Variants in GRM7 observed in about 807,000 individuals in gnomAD.
GRM7 encodes glutamate metabotropic receptor 7.
A neutral mutation model predicts 84.5 loss-of-function variants in GRM7; 35 were observed. The observed-to-expected ratio is 0.41, with a 90% CI of 0.32 to 0.55. The LOEUF (loss-of-function observed/expected upper bound fraction) is 0.55, where lower values mean the gene tolerates loss of function less well. GRM7 is among the 20% of genes least tolerant of loss of function. The pLI is 0.19. For missense variants in GRM7, 1,003 were observed against 1,194.6 expected, an observed-to-expected ratio of 0.84 and a Z score of 2.36; for synonymous variants, 487 against 455.1, an observed-to-expected ratio of 1.07 and a Z score of -0.89.
At chr3:7,189,183 C>T (rs1695623102) in intron 2 of GRM7, among the ~76,000 whole-genome samples, 1 of 152,046 alleles carries the variant, frequency 6.6e-6, no homozygotes, top group South Asian at 2.1e-4. Flanking sequence ...GACATGTATG[C>T]ATGTATCTCA....
intron 9 of GRM7, among the ~76,000 whole-genome samples, chr3:7,686,169 CCCATGTTCAGAGGTACCT>C (rs1169819730): frequency 6.6e-5 from 10 of 152,130 alleles, no homozygotes; most frequent in Non-Finnish European, 1.3e-4. Flanking sequence ...CACCAGTACT[CCCATGTTCAGAGGTACCT>C]GAATTGAGGT....
chr3:7,276,237 GTGTGTGTGTGTGTA>G (rs1202748805), intron 2 of GRM7, among the ~76,000 whole-genome samples: 20 of 150,706 alleles, frequency 1.3e-4, no homozygotes, highest in African/African-American at 2.5e-4. Context: ...GTGTGTGTGT[GTGTGTGTGTGTGTA>G]TATATAATTG....
chr3:7,656,505 A>C (rs1244255052), intron 8 of GRM7, among the ~76,000 whole-genome samples: 1 of 97,534 alleles, frequency 1.0e-5, no homozygotes, highest in African/African-American at 3.3e-5. Flanking sequence ...CAAAAAACAA[A>C]CAAACAAATA....
intron 7 of GRM7, among the ~76,000 whole-genome samples, chr3:7,536,856 TC>T (rs1235220104): frequency 6.6e-6 from 1 of 152,182 alleles, no homozygotes; most frequent in African/African-American, 2.4e-5. Context: ...ACTATGTTTC[TC>T]CCAGATTTCT....
At chr3:7,065,598 T>C (rs1697625645) in intron 1 of GRM7, among the ~76,000 whole-genome samples, 2 of 152,012 alleles carry the variant, frequency 1.3e-5, no homozygotes, top group East Asian at 1.9e-4. Context: ...TATAGCCTTA[T>C]AGTATAGTTT....
chr3:7,261,571 T>C (rs1216582439), intron 2 of GRM7, among the ~76,000 whole-genome samples: 1 of 152,208 alleles, frequency 6.6e-6, no homozygotes, highest in Non-Finnish European at 1.5e-5. Context: ...TGTCTTTTAA[T>C]TGGGGCATTT....
intron 5 of GRM7, among the ~76,000 whole-genome samples, chr3:7,435,954 G>A (rs1459914164): frequency 4.1e-5 from 6 of 147,230 alleles, no homozygotes; most frequent in African/African-American, 7.6e-5. Flanking sequence ...CACCCACCTC[G>A]GCTTCTTAAA....
chr3:7,283,475 A>T (rs1699324632), intron 2 of GRM7, among the ~76,000 whole-genome samples: 1 of 152,150 alleles, frequency 6.6e-6, no homozygotes, highest in South Asian at 2.1e-4. Flanking sequence ...GTATAAAAAG[A>T]TAAGACCTCT....
At chr3:7,310,760 A>C (rs1700362351) in intron 4 of GRM7, among the ~76,000 whole-genome samples, 1 of 152,174 alleles carries the variant, frequency 6.6e-6, no homozygotes, top group South Asian at 2.1e-4. Context: ...AAACTACTTG[A>C]AAATATGGTT....
intron 9 of GRM7, among the ~76,000 whole-genome samples, chr3:7,725,915 C>T (rs952031009): frequency 5.9e-5 from 9 of 151,962 alleles, no homozygotes; most frequent in African/African-American, 1.5e-4. Flanking sequence ...TCCACTCCAA[C>T]GTTAGGGGGA....
chr3:7,006,295 C>T (rs1695181940), intron 1 of GRM7, among the ~76,000 whole-genome samples: 1 of 152,118 alleles, frequency 6.6e-6, no homozygotes, highest in African/African-American at 2.4e-5. Context: ...AGTTGATATA[C>T]TGAGCTTCAT....
rs557191286 is a variant in GRM7, at chr3:7,215,392, C to A, written c.736+68724C>A. Among the ~76,000 whole-genome samples the A allele has an allele frequency of 1.9e-4, 29 of 152,154 alleles. No homozygotes were observed. The South Asian group carries it at 5.4e-3, about 28-fold the overall frequency. Reference sequence around the variant, plus strand: ...AAATAAATTTCTTGGAGGCTGGGCACGGTGGATCACGCCTGTAATCCCAGC... The same window carrying A: ...AAATAAATTTCTTGGAGGCTGGGCAAGGTGGATCACGCCTGTAATCCCAGC... On this transcript the variant is annotated intron_variant, in intron 2 of 9. Coordinates refer to ENST00000357716, the MANE Select transcript of GRM7 (RefSeq NM_000844.4).
intron 7 of GRM7, among the ~76,000 whole-genome samples, chr3:7,474,042 A>G (rs1430086037): frequency 1.3e-5 from 2 of 152,174 alleles, no homozygotes; most frequent in South Asian, 2.1e-4. Context: ...GTGAAGGGTC[A>G]GCTTCTACAG....
chr3:7,240,997 G>A (rs1338907076), intron 2 of GRM7, among the ~76,000 whole-genome samples: 4 of 152,056 alleles, frequency 2.6e-5, no homozygotes, highest in Admixed American at 6.6e-5. Context: ...TGTAATAGAC[G>A]ATGCCATCTA....
At chr3:7,549,637 T>C (rs531185200) in intron 7 of GRM7, among the ~76,000 whole-genome samples, 1 of 152,284 alleles carries the variant, frequency 6.6e-6, no homozygotes, top group Admixed American at 6.5e-5. Context: ...TCCCCGTATC[T>C]TTTTCAAAAT....
chr3:7,048,868 C>A (rs575295413), intron 1 of GRM7, among the ~76,000 whole-genome samples: 12 of 151,988 alleles, frequency 7.9e-5, no homozygotes, highest in Non-Finnish European at 1.3e-4. Flanking sequence ...CACTTCCTCA[C>A]CCCCGGTAAC....
chr3:7,733,195 T>A (rs1360265985), intron 9 of GRM7, among the ~76,000 whole-genome samples: 1 of 152,146 alleles, frequency 6.6e-6, no homozygotes, highest in East Asian at 1.9e-4. Flanking sequence ...TAAGTAGTGA[T>A]GTAGGATTTT....
At chr3:7,162,753 T>TGAGA (rs1694670638) in intron 2 of GRM7, among the ~76,000 whole-genome samples, 2 of 42,910 alleles carry the variant, frequency 4.7e-5, no homozygotes, top group Non-Finnish European at 1.0e-4. Flanking sequence ...TTTTTTTTTT[T>TGAGA]TTTTTTTTTT....
rs187196727 is a variant in GRM7, at chr3:7,722,897, G to C, written c.2699-17460G>C. Among the ~76,000 whole-genome samples the C allele has an allele frequency of 3.2e-4, 48 of 152,258 alleles. No homozygotes were observed. In the East Asian group the frequency reaches 8.9e-3, roughly 28 times the overall value. ...ACTGACTTGACAGTATTAATTCTTG[G>C]TGGTAGATGTTAGGAGATAAAAGTG... On this transcript the variant is annotated intron_variant, in intron 9 of 9. Coordinates refer to ENST00000357716, the MANE Select transcript of GRM7 (RefSeq NM_000844.4).
Sources: gnomAD v4.1 joint callset for allele counts (sites outside exome capture counted in the v4.1 genomes callset) on GRCh38, gnomAD v4.1.1 for gene constraint, MANE v1.5 for transcripts, NCBI Gene and HGNC (gene_info 2026-07-23, HGNC 2026-07-21) for gene names.